RNPEPL1: variants seen among roughly 807,000 people sequenced by gnomAD.
RNPEPL1 encodes arginyl aminopeptidase like 1, also known as aminopeptidase RNPEPL1.
Under a neutral mutation model 69.0 loss-of-function variants are expected in RNPEPL1, and 46 were observed. The ratio of observed to expected loss-of-function variants is 0.67; its 90% CI spans 0.53 to 0.85. RNPEPL1 has a LOEUF of 0.85. Ranked by LOEUF, RNPEPL1 falls within the 40% of genes least tolerant of loss-of-function variation. RNPEPL1 has a pLI of 0.00. For missense variants in RNPEPL1, 869 were observed against 992.5 expected, an observed-to-expected ratio of 0.88 and a Z score of 1.67; for synonymous variants, 525 against 454.1, an observed-to-expected ratio of 1.16 and a Z score of -1.98.
At position 240,576,775 on chromosome 2, in the gene RNPEPL1, T is replaced by A. The variant is rs1017206112; in HGVS notation, c.1741+10T>A. 1.2e-6 allele frequency: 2 copies of A among 1,612,460 alleles called. No homozygotes were observed. The highest frequency in any genetic ancestry group is 1.7e-6 in the Non-Finnish European group (2 of 1,179,714). On this transcript the variant is annotated intron_variant, in intron 9 of 10. Coordinates refer to ENST00000270357, the MANE Select transcript of RNPEPL1 (RefSeq NM_018226.6). Reference sequence around the variant, plus strand: ...TCCCCGCTGCCGCAGGGTGAGTCCCTGCAGCTGATGGGGGCGGCCCAGGGG... The same window carrying A: ...TCCCCGCTGCCGCAGGGTGAGTCCCAGCAGCTGATGGGGGCGGCCCAGGGG...
At chr2:240,572,712 T>G (rs889315414) in intron 2 of RNPEPL1, 149 bp downstream of exon 2, 28 of 1,056,142 alleles carry the variant, frequency 2.7e-5, no homozygotes, top group Middle Eastern at 2.6e-4. Context: ...CCCTACTCTA[T>G]GGGAGGAGCC....
At chr2:240,575,457 G>T (rs764291141) in intron 7 of RNPEPL1, 45 bp from the exon 8 acceptor site, 2 of 1,540,294 alleles carry the variant, frequency 1.3e-6, no homozygotes, top group Admixed American at 3.3e-5. Flanking sequence ...GGCTGCCTGT[G>T]CCCCACCCTT....
At chr2:240,574,956 G>T in intron 6 of RNPEPL1, 74 bp from the exon 7 acceptor site, 1 of 1,149,264 alleles carries the variant, frequency 8.7e-7, no homozygotes, top group South Asian at 1.2e-5. Flanking sequence ...CTCGGAGCCT[G>T]ACCACTGCCC....
At position 240,580,068 on chromosome 2, in the gene RNPEPL1, T is replaced by G. The variant is rs535606745; in HGVS notation, c.*2176T>G. The G allele has an allele frequency of 6.6e-5, 10 of 152,398 alleles. No homozygotes were observed. Among genetic ancestry groups the G allele is most frequent in the African/African-American group, 2.4e-4 (10 of 41,576 alleles). The allele number at this position is 152,398 out of a possible 1,614,324, so 9.4% of individuals were successfully genotyped here. A position where few individuals can be genotyped will look rare whatever the true frequency, so the allele number is the denominator to read the frequency against. On this transcript the variant is annotated 3_prime_UTR_variant, in exon 11 of 11. Transcript: ENST00000270357. Reference sequence around the variant, plus strand: ...CCAGGATGGCACCCTCACCACAATCTGTCTTGGCTCTGTGCCCGCCCGTGG... The same window carrying G: ...CCAGGATGGCACCCTCACCACAATCGGTCTTGGCTCTGTGCCCGCCCGTGG...
In RNPEPL1 at chr2:240,573,247, A is replaced by T; in HGVS notation, c.807A>T (p.Ala269=). The change falls in exon 3 of 11, where the codon GCA becomes GCT. Residue 269 remains alanine, a synonymous_variant. Coordinates refer to ENST00000270357, the MANE Select transcript of RNPEPL1 (RefSeq NM_018226.6). ...TGGTGGCCGGAGACCTCAAGCCGGC[A>T]GACATCGGGCCCAGGTAGGGCCTCC... is the stretch of plus-strand genomic sequence containing the variant. The part of the protein sequence containing the change: ...VALVAGDLKP[A]DIGPRSRVWA... The T allele has an allele frequency of 6.4e-7, 1 of 1,566,030 alleles. No homozygotes were observed. Among genetic ancestry groups the T allele is most frequent in the East Asian group, 2.4e-5 (1 of 42,416 alleles).
At position 240,576,761 on chromosome 2, in the gene RNPEPL1, G is replaced by T. The variant is rs140305556; in HGVS notation, c.1737G>T (p.Pro579=). 1.2e-6 allele frequency: 2 copies of T among 1,612,696 alleles called. No homozygotes were observed. The highest frequency in any genetic ancestry group is 2.2e-5 in the East Asian group (1 of 44,884). ...LDRLLDGSPL[P]QEVVMSLSKC... ...GGCTCCTGGATGGGTCCCCGCTGCC[G>T]CAGGGTGAGTCCCTGCAGCTGATGG... The change falls in exon 9 of 11, where the codon CCG becomes CCT. Residue 579 remains proline, a synonymous_variant. Transcript: ENST00000270357.
chr2:240,570,475 TTGTA>T (rs1575435097), intron 1 of RNPEPL1, among the ~76,000 whole-genome samples: 2 of 152,180 alleles, frequency 1.3e-5, no homozygotes, highest in African/African-American at 4.8e-5. Context: ...GCATGCACCT[TTGTA>T]TGTGAGCGCC....
chr2:240,579,101 T>G lies in RNPEPL1; in HGVS notation c.*1209T>G, dbSNP rs1368168513. ...TCCCAGGCGATAGGTGTCGCTGCCCTTCACAGTCCCCAAGGATGTGGCGCC... is the reference window on the plus strand; with the variant it reads ...TCCCAGGCGATAGGTGTCGCTGCCCGTCACAGTCCCCAAGGATGTGGCGCC... On this transcript the variant is annotated 3_prime_UTR_variant, in exon 11 of 11. Coordinates refer to ENST00000270357, the MANE Select transcript of RNPEPL1 (RefSeq NM_018226.6). 1 of 152,260 alleles carries G rather than the reference T, an allele frequency of 6.6e-6. No individual in the cohort carries two copies. The highest frequency in any genetic ancestry group is 2.4e-5 in the African/African-American group (1 of 41,442). The allele number at this position is 152,260 out of a possible 1,614,324, so 9.4% of individuals were successfully genotyped here.
intron 1 of RNPEPL1, among the ~76,000 whole-genome samples, chr2:240,570,017 G>C (rs1375433679): frequency 6.6e-6 from 1 of 152,222 alleles, no homozygotes; most frequent in African/African-American, 2.4e-5. Flanking sequence ...AGCAGGACCT[G>C]CCACCTCACC....
intron 8 of RNPEPL1, 78 bp from the exon 9 acceptor site, chr2:240,576,457 T>G: frequency 7.4e-7 from 1 of 1,358,034 alleles, no homozygotes; most frequent in East Asian, 2.5e-5. Context: ...ACTCAGGGTC[T>G]GGGGTCTCCT....
At chr2:240,573,707 G>T in intron 3 of RNPEPL1, 68 bp from the exon 4 acceptor site, 1 of 1,327,508 alleles carries the variant, frequency 7.5e-7, no homozygotes, top group South Asian at 1.4e-5. Context: ...CAGGGCAGTG[G>T]GAGAGCCTGG....
Position 240,576,569 on chromosome 2 carries a change from C to G in RNPEPL1, c.1545C>G (p.Gly515=), listed in dbSNP as rs1482713682. Residue 515 remains glycine (G), a synonymous_variant, in exon 9 of 11, where the codon GGC becomes GGG. Transcript: ENST00000270357. ...LEFERWLNAT[G]PPLAEPDLSQ... is the part of the protein sequence containing the mutation. ...TCGAGCGCTGGCTCAATGCCACAGG[C>G]CCGCCGCTGGCTGAGCCGGACCTGT... 1.2e-6 allele frequency: 2 copies of G among 1,612,838 alleles called. No individual in the cohort carries two copies. Among genetic ancestry groups the G allele is most frequent in the East Asian group, 2.2e-5 (1 of 44,874 alleles).
intron 3 of RNPEPL1, 152 bp downstream of exon 3, chr2:240,573,413 C>CGCCAGGGCTCTGCCT: frequency 1.3e-6 from 1 of 750,098 alleles, no homozygotes; most frequent in Non-Finnish European, 2.1e-6. Context: ...TTGGTGCCAC[C>CGCCAGGGCTCTGCCT]GCCAGGGCCC....
At chr2:240,572,330 G>A in intron 1 of RNPEPL1, 93 bp from the exon 2 acceptor site, 1 of 1,424,162 alleles carries the variant, frequency 7.0e-7, no homozygotes, top group Admixed American at 2.2e-5. Context: ...TCCCCTCCCA[G>A]AGCCTCCTGC....
chr2:240,580,798 A>G lies in RNPEPL1; in HGVS notation c.*2906A>G, dbSNP rs1204118384. 1 of 152,236 alleles carries G rather than the reference A, an allele frequency of 6.6e-6. No homozygotes were observed. Among genetic ancestry groups the G allele is most frequent in the Non-Finnish European group, 1.5e-5 (1 of 68,040 alleles). 9.4% of individuals were successfully genotyped at this position (152,236 alleles called of 1,614,324 possible). ...GGGATTAGGGCCTAGTCAGGCAGGTAGGAGATGATGTTCAAAAAGGGAAAA... is the reference window on the plus strand; with the variant it reads ...GGGATTAGGGCCTAGTCAGGCAGGTGGGAGATGATGTTCAAAAAGGGAAAA... On this transcript the variant is annotated 3_prime_UTR_variant, in exon 11 of 11. Transcript: ENST00000270357.
At chr2:240,574,979 C>T (rs377149129) in intron 6 of RNPEPL1, 51 bp from the exon 7 acceptor site, 72 of 1,384,848 alleles carry the variant, frequency 5.2e-5, no homozygotes, top group African/African-American at 3.4e-4. Context: ...CCCTATTCCA[C>T]GGGACACTGG....
chr2:240,570,462 C>G (rs1355187918), intron 1 of RNPEPL1, among the ~76,000 whole-genome samples: 1 of 152,236 alleles, frequency 6.6e-6, no homozygotes, highest in Non-Finnish European at 1.5e-5. Flanking sequence ...ACTCTAACCT[C>G]AGGCATGCAC....
rs2093012758 is a variant in RNPEPL1, at chr2:240,568,911, C to A, written c.325C>A (p.Pro109Thr). The A allele has an allele frequency of 5.4e-6, 7 of 1,286,058 alleles. No homozygotes were observed. Among genetic ancestry groups the A allele is most frequent in the Non-Finnish European group, 6.8e-6 (7 of 1,022,786 alleles). The allele number at this position is 1,286,058 out of a possible 1,614,324, so 79.7% of individuals were successfully genotyped here. ...ETPCAFAFSA[P>T]GPGPAPPPPL... ...GCCCTGCGCCTTCGCCTTCTCCGCC[C>A]CCGGGCCGGGGCCCGCGCCGCCGCC... is the stretch of plus-strand genomic sequence containing the variant. The change falls in exon 1 of 11, where the codon CCC (proline) becomes ACC (threonine). Residue 109 changes from proline to threonine, a missense_variant. Physicochemically the swap from Pro to Thr is conservative, Grantham distance 38. Coordinates refer to ENST00000270357, the MANE Select transcript of RNPEPL1 (RefSeq NM_018226.6). This position sits in a 1 kb window ranked among gnomAD's most constrained non-coding sequence, Gnocchi z 6.2.
chr2:240,575,688 A>G (rs2093035615), intron 8 of RNPEPL1, 78 bp downstream of exon 8: 1 of 1,112,284 alleles, frequency 9.0e-7, no homozygotes, highest in Non-Finnish European at 1.4e-6. Flanking sequence ...CTGAGGGGCC[A>G]CTCCACCTGG....
Sources: gnomAD v4.1 joint callset for allele counts (sites outside exome capture counted in the v4.1 genomes callset) on GRCh38, gnomAD v4.1.1 for gene constraint, Gnocchi (gnomAD v3.1) non-coding constraint, MANE v1.5 for transcripts, NCBI Gene and HGNC (gene_info 2026-07-23, HGNC 2026-07-21) for gene names.